The following ZNF561 variants were observed in gnomAD, a reference collection of about 807,000 sequenced individuals.
ZNF561 encodes the protein zinc finger protein 561.
In ZNF561, 16 loss-of-function variants were observed where a neutral mutation model predicts 16.7. The ratio of observed to expected loss-of-function variants is 0.96; its 90% confidence interval spans 0.65 to 1.45. ZNF561 has a LOEUF of 1.45. Ranked by LOEUF, ZNF561 falls within the 40% of genes most tolerant of loss-of-function variation. The probability of loss-of-function intolerance (pLI) is 0.00; values close to 1 mark genes in which losing one functional copy is unlikely to be tolerated. For missense variants in ZNF561, 580 were observed against 578.0 expected, an observed-to-expected ratio of 1.00 and a Z score of -0.04; for synonymous variants, 190 against 192.1, an observed-to-expected ratio of 0.99 and a Z score of 0.09.
chr19:9,615,692 G>A lies in ZNF561; in HGVS notation c.241+1353C>T, dbSNP rs376211952. On this transcript the variant is annotated intron_variant, in intron 4 of 5. Coordinates refer to ENST00000302851, the MANE Select transcript of ZNF561 (RefSeq NM_152289.3). ...AGGCCGAGGTGGGTGGATCACCCGA[G>A]GTCAGGAGTTCAAGACCGGGCTGGC... Among the ~76,000 whole-genome samples, 7 of 151,794 alleles carry A rather than the reference G, an allele frequency of 4.6e-5. No individual in the cohort carries two copies. The East Asian group carries it at 1.4e-3, about 29-fold the overall frequency.
chr19:9,617,972 C>T lies in ZNF561; in HGVS notation c.114+119G>A, dbSNP rs1214085974. On this transcript the variant is annotated intron_variant, in intron 3 of 5. Coordinates refer to ENST00000302851, the MANE Select transcript of ZNF561 (RefSeq NM_152289.3). ...GGGAAATTCATCTGGGGACTCAGTCCTTGAGTAAGGCTTCATTTGCTCTAA... is the reference window on the plus strand; with the variant it reads ...GGGAAATTCATCTGGGGACTCAGTCTTTGAGTAAGGCTTCATTTGCTCTAA... 1.2e-5 allele frequency: 11 copies of T among 948,526 alleles called. No individual in the cohort carries two copies. In the South Asian group the frequency reaches 1.3e-4, roughly 12 times the overall value. The allele number at this position is 948,526 out of a possible 1,614,324, so 58.8% of individuals were successfully genotyped here. A position where few individuals can be genotyped will look rare whatever the true frequency, so the allele number is the denominator to read the frequency against.
Position 9,610,850 on chromosome 19 carries a change from G to T in ZNF561, c.811C>A (p.Pro271Thr). 1.9e-6 allele frequency: 3 copies of T among 1,614,082 alleles called. No homozygotes were observed. The African/African-American group carries it at 4.0e-5, about 22-fold the overall frequency. Residue 271 changes from proline to threonine, a missense_variant, in exon 6 of 6, where the codon CCT becomes ACT. Coordinates refer to ENST00000302851, the MANE Select transcript of ZNF561 (RefSeq NM_152289.3). ...SFTNFSQLYA[P>T]VKTHKGEKSF... ...TTCTCTCCTTTATGAGTTTTCACAG[G>T]TGCATAAAGTTGAGAAAAATTAGTG...
Position 9,610,248 on chromosome 19 carries a change from G to A in ZNF561, c.1413C>T (p.His471=). The A allele has an allele frequency of 6.2e-7, 1 of 1,612,500 alleles. No homozygotes were observed. Among genetic ancestry groups the A allele is most frequent in the East Asian group, 2.2e-5 (1 of 44,872 alleles). The change falls in exon 6 of 6, where the codon CAC becomes CAT. Residue 471 remains histidine, a synonymous_variant. Coordinates refer to ENST00000302851, the MANE Select transcript of ZNF561 (RefSeq NM_152289.3). ...SSRLSRHERI[H]TGEKPYECKD... is the part of the protein sequence containing the mutation. Reference sequence around the variant, plus strand: ...TGCATTCATAGGGTTTCTCCCCAGTGTGAATTCTTTCATGTCTACTTAGGC... The same window carrying A: ...TGCATTCATAGGGTTTCTCCCCAGTATGAATTCTTTCATGTCTACTTAGGC...
chr19:9,611,300 TAC>T lies in ZNF561; in HGVS notation c.359_360del (p.Cys120Ter). 6.2e-7 allele frequency: 1 copy of T among 1,613,580 alleles called. No homozygotes were observed. Among genetic ancestry groups the T allele is most frequent in the Non-Finnish European group, 8.5e-7 (1 of 1,179,554 alleles). ...TCCCTGAAGACCTCTCCACAATTCT[TAC>T]AGTCACAGAGTTTCCATCCACTGTA... ...RGYSGWKLCD[C>X]KNCGEVFREQ... On this transcript the variant is annotated frameshift_variant, in exon 6 of 6. Transcript: ENST00000302851. LOFTEE classifies it low-confidence loss of function (END_TRUNC).
chr19:9,616,058 C>G (rs1208459731), intron 4 of ZNF561, among the ~76,000 whole-genome samples: 2 of 152,164 alleles, frequency 1.3e-5, no homozygotes, highest in African/African-American at 4.8e-5. Flanking sequence ...TTTACTACAT[C>G]AAAGAATAGG....
Position 9,611,018 on chromosome 19 carries a change from G to T in ZNF561, c.643C>A (p.His215Asn). Residue 215 changes from histidine to asparagine, a missense_variant, in exon 6 of 6, where the codon CAT (histidine) becomes AAT (asparagine). By Grantham distance (68) the His-to-Asn change is moderately conservative. Transcript: ENST00000302851. ...GFKYFASLDNHMGIHTDEKLC... is the reference protein window; with the variant it reads ...GFKYFASLDNNMGIHTDEKLC... ...TTCTCATCAGTGTGGATTCCCATATGATTATCAAGGCTTGCAAAATACTTA... is the reference window on the plus strand; with the variant it reads ...TTCTCATCAGTGTGGATTCCCATATTATTATCAAGGCTTGCAAAATACTTA... 2.5e-6 allele frequency: 4 copies of T among 1,614,096 alleles called. No homozygotes were observed. Among genetic ancestry groups the T allele is most frequent in the Non-Finnish European group, 3.4e-6 (4 of 1,180,024 alleles).
Position 9,611,347 on chromosome 19 carries a change from CGA to C in ZNF561, c.325-13_325-12del. 1.3e-6 allele frequency: 2 copies of C among 1,593,446 alleles called. No homozygotes were observed. The highest frequency in any genetic ancestry group is 1.7e-6 in the Non-Finnish European group (2 of 1,168,038). ...ACTGTAGCCTCTTGTCTGTTGATGA[CGA>C]GATAAAGGTTTTAAAACATTTTCAG... is the stretch of plus-strand genomic sequence containing the variant. On this transcript the variant is annotated splice_polypyrimidine_tract_variant and intron_variant, in intron 5 of 5. Coordinates refer to ENST00000302851, the MANE Select transcript of ZNF561 (RefSeq NM_152289.3).
intron 3 of ZNF561, chr19:9,617,446 AATTTTATT>A: frequency 2.0e-6 from 1 of 493,362 alleles, no homozygotes; most frequent in Non-Finnish European, 2.7e-6. Context: ...TTAAATTTTA[AATTTTATT>A]TTTATTTTGA....
At chr19:9,617,611 G>A (rs978196013) in intron 3 of ZNF561, 1 of 453,224 alleles carries the variant, frequency 2.2e-6, no homozygotes, top group Non-Finnish European at 4.5e-6. Flanking sequence ...GGCTGAAGTG[G>A]TCCTCTCACC....
At chr19:9,619,605 A>T (rs2074622423) in intron 1 of ZNF561, 23 bp from the exon 2 acceptor site, 1 of 600,464 alleles carries the variant, frequency 1.7e-6, no homozygotes, top group South Asian at 2.7e-5. Context: ...ATCATCAAAC[A>T]ACAAGCATGA....
rs1003950785 is a variant in ZNF561, at chr19:9,609,842, T to G, written c.*358A>C. On this transcript the variant is annotated 3_prime_UTR_variant, in exon 6 of 6. Coordinates refer to ENST00000302851, the MANE Select transcript of ZNF561 (RefSeq NM_152289.3). ...CCCACCTTTGGGGTCCTACATCATC[T>G]TGGCTTCTGGTAAATTTTGACATAA... The G allele has an allele frequency of 4.9e-5, 9 of 183,008 alleles. No homozygotes were observed. Among genetic ancestry groups the G allele is most frequent in the Non-Finnish European group, 1.0e-4 (9 of 86,060 alleles). The allele number at this position is 183,008 out of a possible 1,614,324, so 11.3% of individuals were successfully genotyped here.
At chr19:9,619,191 A>C in intron 2 of ZNF561, 1 of 234,610 alleles carries the variant, frequency 4.3e-6, no homozygotes, top group South Asian at 1.5e-4. Flanking sequence ...TGGGAGGTGA[A>C]GGTTGCAGTG....
rs556202735 is a variant in ZNF561, at chr19:9,610,507, C to A, written c.1154G>T (p.Arg385Ile). Residue 385 changes from arginine (R) to isoleucine (I), a missense_variant, in exon 6 of 6, where the codon AGA (arginine) becomes ATA (isoleucine). Arg to Ile is a moderately conservative substitution (Grantham distance 97, BLOSUM62 -3). Coordinates refer to ENST00000302851, the MANE Select transcript of ZNF561 (RefSeq NM_152289.3). ...TTSTSLIQHT[R>I]IHTGEKPYEC... is the part of the protein sequence containing the mutation. ...ATAAGGCTTCTCTCCTGTGTGAATT[C>A]TTGTATGCTGAATAAGACTTGTGGA... The A allele has an allele frequency of 1.9e-6, 3 of 1,613,976 alleles. No homozygotes were observed. In the East Asian group the frequency reaches 6.7e-5, roughly 36 times the overall value.
chr19:9,610,199 G>C lies in ZNF561; in HGVS notation c.*1C>G. On this transcript the variant is annotated 3_prime_UTR_variant, in exon 6 of 6. Coordinates refer to ENST00000302851, the MANE Select transcript of ZNF561 (RefSeq NM_152289.3). ...AATAATTAAAGATGGCAACCGATGG[G>C]CTAAATGGTAACACTCATATCCTTG... is the stretch of plus-strand genomic sequence containing the variant. 6.4e-7 allele frequency: 1 copy of C among 1,569,362 alleles called. No homozygotes were observed. The highest frequency in any genetic ancestry group is 8.6e-7 in the Non-Finnish European group (1 of 1,158,218).
chr19:9,620,527 A>G (rs1372599910), intron 1 of ZNF561, among the ~76,000 whole-genome samples: 1 of 152,014 alleles, frequency 6.6e-6, no homozygotes, highest in African/African-American at 2.4e-5. Flanking sequence ...TGCCTGGCCC[A>G]TTACTTCTAT....
At chr19:9,619,411 A>G (rs751954260) in intron 2 of ZNF561, 21 bp downstream of exon 2, 1 of 1,611,980 alleles carries the variant, frequency 6.2e-7, no homozygotes, top group East Asian at 2.2e-5. Flanking sequence ...TCTCTGAAAA[A>G]GAGCATCAAC....
intron 5 of ZNF561, among the ~76,000 whole-genome samples, chr19:9,613,595 T>C (rs146985476): frequency 6.6e-5 from 10 of 152,134 alleles, no homozygotes; most frequent in Admixed American, 2.0e-4. Flanking sequence ...CTCAGCTCAT[T>C]GCAACCTCTG....
rs2074381651 is a variant in ZNF561, at chr19:9,608,064, G to A, written c.*2136C>T. 1 of 151,924 alleles carries A rather than the reference G, an allele frequency of 6.6e-6. No individual in the cohort carries two copies. The highest frequency in any genetic ancestry group is 6.6e-5 in the Admixed American group (1 of 15,218). 9.4% of individuals were successfully genotyped at this position (151,924 alleles called of 1,614,324 possible). A position where few individuals can be genotyped will look rare whatever the true frequency, so the allele number is the denominator to read the frequency against. Reference sequence around the variant, plus strand: ...TTTTTTGTATTTGTAGTAGAGACAGGGTTTCACCGTGTTAACTAGGACAGT... The same window carrying A: ...TTTTTTGTATTTGTAGTAGAGACAGAGTTTCACCGTGTTAACTAGGACAGT... On this transcript the variant is annotated 3_prime_UTR_variant, in exon 6 of 6. Transcript: ENST00000302851.
At chr19:9,615,400 C>T (rs771087655) in intron 4 of ZNF561, among the ~76,000 whole-genome samples, 5 of 151,264 alleles carry the variant, frequency 3.3e-5, no homozygotes, top group Non-Finnish European at 5.9e-5. Flanking sequence ...AGTTTAAGAC[C>T]AGCCTGGCCA....
Sources: allele counts gnomAD v4.1 joint callset (sites outside exome capture counted in the v4.1 genomes callset), GRCh38; gene constraint gnomAD v4.1.1; transcripts MANE v1.5; gene names NCBI Gene and HGNC (gene_info 2026-07-23, HGNC 2026-07-21).